HSD17B4: variants seen among roughly 807,000 people sequenced by gnomAD.
The protein encoded by HSD17B4 is hydroxysteroid 17-beta dehydrogenase 4, also known as peroxisomal multifunctional enzyme type 2.
A neutral mutation model predicts 101.0 loss-of-function variants in HSD17B4; 70 were observed. The observed-to-expected ratio is 0.69, with a 90% CI of 0.57 to 0.85. HSD17B4 has a LOEUF of 0.85. Among genes scored for constraint, HSD17B4 ranks in the 40% least tolerant of loss-of-function variants. The pLI, the probability that HSD17B4 is intolerant of heterozygous loss-of-function variation, is 0.00. For synonymous variants in HSD17B4, 347 were observed against 297.1 expected (o/e 1.17, Z -1.73); for missense variants, 984 against 892.4 (o/e 1.10, Z -1.31).
Position 119,509,160 on chromosome 5 carries a change from G to A in HSD17B4, c.1353G>A (p.Lys451=). The change falls in exon 16 of 24, where the codon AAG becomes AAA. Residue 451 remains lysine, a synonymous_variant. Transcript: ENST00000510025. ...TTTCAGTCTATTCTTATTCTGAGAA[G>A]GAACTTATATGCCACAATCAGTTCT... is the stretch of plus-strand genomic sequence containing the variant. The part of the protein sequence containing the change: ...IIMDVYSYSE[K]ELICHNQFSL... 1 of 1,587,354 alleles carries A rather than the reference G, an allele frequency of 6.3e-7. No individual in the cohort carries two copies. Among genetic ancestry groups the A allele is most frequent in the Non-Finnish European group, 8.7e-7 (1 of 1,155,892 alleles).
chr5:119,493,644 C>G lies in HSD17B4; in HGVS notation c.740-174C>G, dbSNP rs902060961. The G allele has an allele frequency of 5.0e-6, 3 of 598,874 alleles. No homozygotes were observed. The African/African-American group carries it at 5.6e-5, about 11-fold the overall frequency. The allele number at this position is 598,874 out of a possible 1,614,324, so 37.1% of individuals were successfully genotyped here. ...AATGTTTCTTTAAATTGACCTTATC[C>G]TAGTGGGTTTGTTGGGAAAAATTCA... On this transcript the variant is annotated intron_variant, in intron 10 of 23. Transcript: ENST00000510025.
intron 22 of HSD17B4, 44 bp downstream of exon 22, chr5:119,531,448 A>G: frequency 6.4e-7 from 1 of 1,553,276 alleles, no homozygotes; most frequent in East Asian, 2.3e-5. Context: ...GGTAATTCTT[A>G]GTAAATAAAG....
In HSD17B4 at chr5:119,496,624, C is replaced by T. The variant is rs150326995; in HGVS notation, c.950C>T (p.Thr317Met). 4.6e-4 allele frequency: 732 copies of T among 1,598,012 alleles called. 5 individuals are homozygous for T. Among genetic ancestry groups the T allele is most frequent in the South Asian group, 2.2e-3 (203 of 90,804 alleles). Residue 317 changes from threonine (T) to methionine (M), a missense_variant, in exon 12 of 24, where the codon ACG (threonine) becomes ATG (methionine). Thr to Met is a moderately conservative substitution (Grantham distance 81). Transcript: ENST00000510025. The stretch of plus-strand genomic sequence containing the variant: ...TCAGCAAATCATACTAGTCGTGCAA[C>T]GTCTACAGCAACATCAGGATTTGTA... ...GVSANHTSRA[T>M]STATSGFAGA... is the part of the protein sequence containing the mutation.
chr5:119,493,811 T>C lies in HSD17B4; in HGVS notation c.740-7T>C, dbSNP rs376669126. Reference sequence around the variant, plus strand: ...GCTCAGTATGTTAGTTTTGTTTCTATAACCAGTACGCTGGGAGCGGACTCT... The same window carrying C: ...GCTCAGTATGTTAGTTTTGTTTCTACAACCAGTACGCTGGGAGCGGACTCT... On this transcript the variant is annotated splice_polypyrimidine_tract_variant and splice_region_variant and intron_variant, in intron 10 of 23. Coordinates refer to ENST00000510025, the MANE Select transcript of HSD17B4 (RefSeq NM_000414.4). The C allele has an allele frequency of 3.1e-6, 5 of 1,611,954 alleles. No individual in the cohort carries two copies. The highest frequency in any genetic ancestry group is 4.5e-5 in the East Asian group (2 of 44,848).
chr5:119,499,504 T>C lies in HSD17B4; in HGVS notation c.1160T>C (p.Met387Thr). The C allele has an allele frequency of 6.2e-7, 1 of 1,613,822 alleles. No homozygotes were observed. The highest frequency in any genetic ancestry group is 8.5e-7 in the Non-Finnish European group (1 of 1,179,752). Residue 387 changes from methionine (M) to threonine (T), a missense_variant, in exon 13 of 24, where the codon ATG becomes ACG. By Grantham distance (81) the Met-to-Thr change is moderately conservative. Transcript: ENST00000510025. ...FGVIIGQKSMMGGGLAEIPGL... is the reference protein window; with the variant it reads ...FGVIIGQKSMTGGGLAEIPGL... ...GTTATCATAGGTCAGAAATCTATGA[T>C]GGGTGGAGGATTAGCAGAAATTCCT... is the stretch of plus-strand genomic sequence containing the variant.
chr5:119,499,528 C>G lies in HSD17B4; in HGVS notation c.1184C>G (p.Pro395Arg). The G allele has an allele frequency of 6.2e-7, 1 of 1,612,488 alleles. No individual in the cohort carries two copies. The highest frequency in any genetic ancestry group is 1.1e-5 in the South Asian group (1 of 91,006). The change falls in exon 13 of 24, where the codon CCT becomes CGT. Residue 395 changes from proline to arginine, a missense_variant. Coordinates refer to ENST00000510025, the MANE Select transcript of HSD17B4 (RefSeq NM_000414.4). ...ATGGGTGGAGGATTAGCAGAAATTC[C>G]TGGACTTTCAATCAACTTTGCAAAG... ...SMMGGGLAEIPGLSINFAKVL... is the reference protein window; with the variant it reads ...SMMGGGLAEIRGLSINFAKVL...
intron 7 of HSD17B4, 65 bp downstream of exon 7, chr5:119,477,566 G>A (rs1306512893): frequency 1.9e-6 from 2 of 1,032,376 alleles, no homozygotes; most frequent in African/African-American, 1.6e-5. Flanking sequence ...TTGTGTACAG[G>A]GAAAGATTAT....
At chr5:119,483,832 A>G (rs779504187) in intron 8 of HSD17B4, among the ~76,000 whole-genome samples, 7 of 152,196 alleles carry the variant, frequency 4.6e-5, no homozygotes, top group Non-Finnish European at 7.3e-5. Flanking sequence ...TATCTAACAG[A>G]TATGGACATT....
Position 119,541,905 on chromosome 5 carries a change from G to A in HSD17B4, c.2122G>A (p.Ala708Thr). The A allele has an allele frequency of 6.3e-7, 1 of 1,599,868 alleles. No individual in the cohort carries two copies. Among genetic ancestry groups the A allele is most frequent in the Non-Finnish European group, 8.6e-7 (1 of 1,167,604 alleles). The change falls in exon 24 of 24, where the codon GCA becomes ACA. Residue 708 changes from alanine (A) to threonine (T), a missense_variant and splice_region_variant. Transcript: ENST00000510025. ...VVLGKLDPQK[A>T]FFSGRLKARG... ...CTCTTTTTCCCTCCTCTCCTTGCAG[G>A]CATTCTTTAGTGGCAGGCTGAAGGC...
chr5:119,470,238 G>A (rs1561436674), intron 2 of HSD17B4, among the ~76,000 whole-genome samples: 1 of 151,704 alleles, frequency 6.6e-6, no homozygotes, highest in African/African-American at 2.4e-5. Context: ...CTCAGGTGCT[G>A]AGGTCATAGT....
chr5:119,472,813 C>G (rs1756510717), intron 2 of HSD17B4, among the ~76,000 whole-genome samples: 1 of 152,216 alleles, frequency 6.6e-6, no homozygotes, highest in South Asian at 2.1e-4. Flanking sequence ...AACCATCATT[C>G]TATTTTGTGA....
intron 2 of HSD17B4, among the ~76,000 whole-genome samples, chr5:119,469,762 C>G (rs983360117): frequency 6.6e-6 from 1 of 151,116 alleles, no homozygotes; most frequent in Non-Finnish European, 1.5e-5. Flanking sequence ...ACTTTTTTCT[C>G]TATGTATCAG....
intron 22 of HSD17B4, among the ~76,000 whole-genome samples, chr5:119,535,549 T>C (rs1375641267): frequency 6.6e-6 from 1 of 151,686 alleles, no homozygotes; most frequent in East Asian, 1.9e-4. Context: ...TCATGTTTAG[T>C]TTTAGTTTAT....
rs144891308 is a variant in HSD17B4 at position 119,452,951 on chromosome 5, A to G, written c.58+318A>G. ...CCCTGACCCTTATCTGTGGGCATCG[A>G]TTGTTACTCTTCCTGCAATTAACTC... On this transcript the variant is annotated intron_variant, in intron 1 of 23. Coordinates refer to ENST00000510025, the MANE Select transcript of HSD17B4 (RefSeq NM_000414.4). 1.6e-5 allele frequency: 17 copies of G among 1,040,562 alleles called. No individual in the cohort carries two copies. In the East Asian group the frequency reaches 4.4e-4, roughly 27 times the overall value. 64.5% of individuals were successfully genotyped at this position (1,040,562 alleles called of 1,614,324 possible).
At chr5:119,516,370 A>T (rs897151761) in intron 17 of HSD17B4, among the ~76,000 whole-genome samples, 10 of 152,176 alleles carry the variant, frequency 6.6e-5, no homozygotes, top group South Asian at 4.1e-4. Context: ...AATAAAAAAT[A>T]TATCTGCTAC....
chr5:119,464,084 A>G (rs758780141), intron 2 of HSD17B4, among the ~76,000 whole-genome samples: 1 of 151,872 alleles, frequency 6.6e-6, no homozygotes, highest in Non-Finnish European at 1.5e-5. Flanking sequence ...TGTATTTTGG[A>G]TATTAATCTC....
intron 8 of HSD17B4, among the ~76,000 whole-genome samples, chr5:119,481,740 A>G (rs1749155657): frequency 6.6e-6 from 1 of 152,172 alleles, no homozygotes; most frequent in South Asian, 2.1e-4. Flanking sequence ...CCTGATGTAG[A>G]GTTGCCACAA....
chr5:119,497,175 T>G lies in HSD17B4; in HGVS notation c.972+529T>G, dbSNP rs1750724049. 2.7e-5 allele frequency among the ~76,000 whole-genome samples: 4 copies of G among 148,432 alleles called. No homozygotes were observed. The Admixed American group carries it at 2.7e-4, about 10-fold the overall frequency. On this transcript the variant is annotated intron_variant, in intron 12 of 23. Coordinates refer to ENST00000510025, the MANE Select transcript of HSD17B4 (RefSeq NM_000414.4). ...TATCATGAACTTTTTAGAGGGATAC[T>G]CCTTACTTGCATATAATTTTTGGTA...
intron 1 of HSD17B4, 23 bp downstream of exon 1, chr5:119,452,656 C>A: frequency 1.9e-6 from 3 of 1,613,486 alleles, no homozygotes; most frequent in Non-Finnish European, 2.5e-6. Context: ...AGGTTGGAGG[C>A]CGCGCCCCTT....
Sources: gnomAD v4.1 joint callset for allele counts (sites outside exome capture counted in the v4.1 genomes callset) on GRCh38, gnomAD v4.1.1 for gene constraint, MANE v1.5 for transcripts, NCBI Gene and HGNC (gene_info 2026-07-23, HGNC 2026-07-21) for gene names.